GRM5: variants seen among roughly 807,000 people sequenced by gnomAD.
GRM5 encodes metabotropic glutamate receptor 5.
In GRM5, 19 loss-of-function variants were observed where a neutral mutation model predicts 83.1. The ratio of observed to expected loss-of-function variants is 0.23; its 90% CI spans 0.16 to 0.34. The LOEUF (loss-of-function observed/expected upper bound fraction) is 0.34, where lower values mean the gene tolerates loss of function less well. Among genes scored for constraint, GRM5 ranks in the 10% least tolerant of loss-of-function variants. The probability of loss-of-function intolerance (pLI) is 1.00; values close to 1 mark genes in which losing one functional copy is unlikely to be tolerated. For synonymous variants in GRM5, 675 were observed against 633.6 expected, an observed-to-expected ratio of 1.07 and a Z score of -0.98; for missense variants, 1,160 against 1,588.3, an observed-to-expected ratio of 0.73 and a Z score of 4.58.
chr11:88,842,572 C>T (rs1422227429), intron 3 of GRM5, among the ~76,000 whole-genome samples: 1 of 152,200 alleles, frequency 6.6e-6, no homozygotes, highest in Non-Finnish European at 1.5e-5. Context: ...CTCCTAAATT[C>T]AGTTGACACT....
intron 3 of GRM5, among the ~76,000 whole-genome samples, chr11:88,720,237 T>C (rs1941502311): frequency 6.6e-6 from 1 of 152,078 alleles, no homozygotes; most frequent in Non-Finnish European, 1.5e-5. Context: ...AAGCCCTTTT[T>C]TGAATATTGT....
intron 2 of GRM5, among the ~76,000 whole-genome samples, chr11:88,852,704 A>G (rs559087060): frequency 6.6e-6 from 1 of 152,268 alleles, no homozygotes; most frequent in African/African-American, 2.4e-5. Flanking sequence ...CATTTAAATA[A>G]GAAACAGTTT....
At chr11:88,675,577 T>C (rs1018924828) in intron 3 of GRM5, among the ~76,000 whole-genome samples, 1 of 152,012 alleles carries the variant, frequency 6.6e-6, no homozygotes, top group Non-Finnish European at 1.5e-5. Flanking sequence ...CGAAGCTATA[T>C]ATAAGCAAAT....
chr11:88,710,443 C>G (rs1941257730), intron 3 of GRM5, among the ~76,000 whole-genome samples: 1 of 152,078 alleles, frequency 6.6e-6, no homozygotes, highest in South Asian at 2.1e-4. Flanking sequence ...TCAAGCAGAC[C>G]TGGGATTAAA....
At chr11:88,825,585 T>A (rs1438380392) in intron 3 of GRM5, among the ~76,000 whole-genome samples, 2 of 152,160 alleles carry the variant, frequency 1.3e-5, no homozygotes, top group Non-Finnish European at 2.9e-5. Flanking sequence ...GTAAAAGAAA[T>A]TGACAACACA....
intron 2 of GRM5, among the ~76,000 whole-genome samples, chr11:88,989,372 T>C (rs1939874264): frequency 7.5e-6 from 1 of 134,140 alleles, no homozygotes; most frequent in African/African-American, 2.8e-5. Flanking sequence ...AAGTCCTGAG[T>C]GACCTACAAA....
intron 3 of GRM5, among the ~76,000 whole-genome samples, chr11:88,666,535 C>T (rs960779513): frequency 2.0e-5 from 3 of 152,168 alleles, no homozygotes; most frequent in Non-Finnish European, 4.4e-5. Flanking sequence ...CCCTCATAAC[C>T]CAAACATCTC....
Position 88,567,076 on chromosome 11 carries a change from C to G in GRM5, c.2607G>C (p.Arg869Ser). 1 of 1,612,310 alleles carries G rather than the reference C, an allele frequency of 6.2e-7. No homozygotes were observed. The highest frequency in any genetic ancestry group is 8.5e-7 in the Non-Finnish European group (1 of 1,178,786). The change falls in exon 8 of 10, where the codon AGG becomes AGC. Residue 869 changes from arginine (R) to serine (S), a missense_variant. Arg to Ser is a moderately radical substitution (Grantham distance 110). Around this residue, in one of 9 missense-constraint regions of GRM5, gnomAD observed 562 missense variants for 532.4 expected, o/e 1.06. Transcript: ENST00000305447. This position sits in a 1 kb window ranked among gnomAD's most constrained non-coding sequence, Gnocchi z 7.3. ...ACCTTAAGGTTTCCCCAGAGGAGCC[C>G]CTTCTCTTCCACAGGTTGACTAGGC... ...SSSLVNLWKR[R>S]GSSGETLRYK...
chr11:88,646,115 T>C (rs1032757457), intron 4 of GRM5, among the ~76,000 whole-genome samples: 4 of 152,098 alleles, frequency 2.6e-5, no homozygotes, highest in African/African-American at 9.7e-5. Flanking sequence ...CTACTGGAGA[T>C]GACAGGGAGA....
intron 5 of GRM5, among the ~76,000 whole-genome samples, chr11:88,598,160 C>CA (rs1162694961): frequency 6.6e-5 from 10 of 152,104 alleles, no homozygotes; most frequent in Non-Finnish European, 2.9e-5. Flanking sequence ...ACTGTGTTCA[C>CA]ATAATATTTT....
intron 2 of GRM5, among the ~76,000 whole-genome samples, chr11:89,002,424 A>G (rs1228627543): frequency 2.0e-5 from 3 of 152,170 alleles, no homozygotes; most frequent in African/African-American, 4.8e-5. Context: ...AAAAAACTCA[A>G]AAATAAGAGG....
chr11:88,863,377 T>C (rs1944602553), intron 2 of GRM5, among the ~76,000 whole-genome samples: 1 of 125,572 alleles, frequency 8.0e-6, no homozygotes, highest in Non-Finnish European at 1.7e-5. Context: ...CCATCAATGA[T>C]AGACCAGATT....
chr11:88,652,810 A>T (rs1201910434), intron 4 of GRM5, among the ~76,000 whole-genome samples: 1 of 152,048 alleles, frequency 6.6e-6, no homozygotes, highest in Non-Finnish European at 1.5e-5. Flanking sequence ...CACTGTGCTA[A>T]CTACTCTGGA....
chr11:88,658,892 T>C (rs1342651827), intron 3 of GRM5, among the ~76,000 whole-genome samples: 2 of 152,176 alleles, frequency 1.3e-5, no homozygotes, highest in East Asian at 1.9e-4. Context: ...TTTCCAACTT[T>C]GTCATACAGG....
chr11:89,053,325 G>T (rs1941798446), intron 1 of GRM5, among the ~76,000 whole-genome samples: 2 of 152,004 alleles, frequency 1.3e-5, no homozygotes. Context: ...TAGATACCTG[G>T]AATACACTTT....
intron 1 of GRM5, among the ~76,000 whole-genome samples, chr11:89,056,450 A>C (rs1291673915): frequency 1.3e-5 from 2 of 152,202 alleles, no homozygotes; most frequent in Non-Finnish European, 2.9e-5. Flanking sequence ...ATGAAGAAAA[A>C]TACCACAATA....
chr11:88,841,551 GT>G (rs1296017685), intron 3 of GRM5, among the ~76,000 whole-genome samples: 1 of 152,138 alleles, frequency 6.6e-6, no homozygotes, highest in Admixed American at 6.5e-5. Context: ...GAAGAGCAAG[GT>G]TTTCACATCT....
At chr11:88,790,212 G>T (rs1231400715) in intron 3 of GRM5, among the ~76,000 whole-genome samples, 2 of 151,990 alleles carry the variant, frequency 1.3e-5, no homozygotes, top group Non-Finnish European at 2.9e-5. Context: ...TGCTATTTTT[G>T]CTCTAAATCC....
intron 2 of GRM5, among the ~76,000 whole-genome samples, chr11:88,870,572 A>G (rs1335668367): frequency 6.6e-6 from 1 of 151,626 alleles, no homozygotes; most frequent in Non-Finnish European, 1.5e-5. Flanking sequence ...GCATAAAAAG[A>G]AAGAATTAAG....
Sources: allele counts gnomAD v4.1 joint callset (sites outside exome capture counted in the v4.1 genomes callset), GRCh38; gene constraint gnomAD v4.1.1; regional missense constraint gnomAD v4.1.1; non-coding constraint Gnocchi (gnomAD v3.1); transcripts MANE v1.5; gene names NCBI Gene and HGNC (gene_info 2026-07-23, HGNC 2026-07-21).